ZC3H12B: variants seen among roughly 807,000 people sequenced by gnomAD.
The protein encoded by ZC3H12B is zinc finger CCCH-type containing 12B, also known as probable ribonuclease ZC3H12B.
Under a neutral mutation model 43.9 loss-of-function variants are expected in ZC3H12B, and 7 were observed. That is an observed-to-expected ratio of 0.16 (90% confidence interval 0.09 to 0.30). The LOEUF (loss-of-function observed/expected upper bound fraction) is 0.30, where lower values mean the gene tolerates loss of function less well. ZC3H12B is among the 10% of genes least tolerant of loss of function. The probability of loss-of-function intolerance (pLI) is 1.00; values close to 1 mark genes in which losing one functional copy is unlikely to be tolerated. For synonymous variants in ZC3H12B, 222 were observed against 241.7 expected (o/e 0.92, Z 0.76); for missense variants, 475 against 670.2 (o/e 0.71, Z 3.22).
At chrX:65,054,341 C>G in the ZC3H12B span, among the ~76,000 whole-genome samples, 1 of 111,477 alleles carries the variant, frequency 9.0e-6, no homozygotes, top group African/African-American at 3.3e-5. Flanking sequence ...AGCCAGTTTT[C>G]CCAGCACCAT....
At chrX:65,305,650 A>G in the ZC3H12B span, among the ~76,000 whole-genome samples, 1 of 112,014 alleles carries the variant, frequency 8.9e-6, no homozygotes, top group Non-Finnish European at 1.9e-5. Context: ...TTGTATCTAT[A>G]AGAAATTTGT....
At chrX:65,109,557 C>T in the ZC3H12B span, among the ~76,000 whole-genome samples, 1 of 111,647 alleles carries the variant, frequency 9.0e-6, no homozygotes, top group Non-Finnish European at 1.9e-5. Flanking sequence ...AACAATATTC[C>T]ATTTATAGAT....
the ZC3H12B span, among the ~76,000 whole-genome samples, chrX:65,100,566 CAAAAAAAAAAA>C: frequency 0.02 from 92 of 4,522 alleles, 1 homozygote; most frequent in Middle Eastern, 0.25. Context: ...AAAGATAAAG[CAAAAAAAAAAA>C]AAAAAAAAAA....
At chrX:65,466,610 G>A (rs1281268944) in intron 3 of ZC3H12B, among the ~76,000 whole-genome samples, 9 of 107,923 alleles carry the variant, frequency 8.3e-5, no homozygotes, top group Non-Finnish European at 1.7e-4. Context: ...TGGATTGTAA[G>A]GTAATTCTAT....
intron 3 of ZC3H12B, among the ~76,000 whole-genome samples, chrX:65,450,853 A>ATATGTGTATATATGTATATATATACG (rs2067492397): frequency 1.1e-5 from 1 of 87,166 alleles, no homozygotes; most frequent in Non-Finnish European, 2.1e-5. Flanking sequence ...ATATATATAC[A>ATATGTGTATATATGTATATATATACG]TATGTGTATA....
the ZC3H12B span, among the ~76,000 whole-genome samples, chrX:65,291,956 A>T: frequency 8.9e-6 from 1 of 112,063 alleles, no homozygotes; most frequent in Non-Finnish European, 1.9e-5. Context: ...GAAGGGATTA[A>T]TTCTCTAAAG....
At chrX:65,138,707 G>A in the ZC3H12B span, among the ~76,000 whole-genome samples, 1 of 111,699 alleles carries the variant, frequency 9.0e-6, no homozygotes, top group East Asian at 2.8e-4. Context: ...CTCCCCAACA[G>A]TGCACAAAGA....
chrX:65,451,254 TTTTTTGTTTTTG>T (rs1198595221), intron 3 of ZC3H12B, among the ~76,000 whole-genome samples: 1 of 110,770 alleles, frequency 9.0e-6, no homozygotes, highest in Non-Finnish European at 1.9e-5. Flanking sequence ...CCAGCCTCAT[TTTTTTGTTTTTG>T]TTTTTGTTTT....
At chrX:65,068,506 CTA>C in the ZC3H12B span, among the ~76,000 whole-genome samples, 1 of 111,868 alleles carries the variant, frequency 8.9e-6, no homozygotes, top group South Asian at 3.7e-4. Flanking sequence ...AACAAAAACT[CTA>C]TGCCTTAACT....
At chrX:65,216,131 A>G in the ZC3H12B span, among the ~76,000 whole-genome samples, 1 of 111,708 alleles carries the variant, frequency 9.0e-6, no homozygotes. Context: ...AAACAACTAT[A>G]TATGCAAAAG....
chrX:65,347,778 C>T, the ZC3H12B span, among the ~76,000 whole-genome samples: 1 of 112,365 alleles, frequency 8.9e-6, no homozygotes, highest in African/African-American at 3.2e-5. Flanking sequence ...TATAAAGACA[C>T]ATGCACACGT....
chrX:65,079,564 A>C, the ZC3H12B span, among the ~76,000 whole-genome samples: 2 of 112,563 alleles, frequency 1.8e-5, no homozygotes, highest in Admixed American at 9.4e-5. Context: ...GAAAGGGAAA[A>C]GAACAAGTAT....
At chrX:65,302,306 C>T in the ZC3H12B span, among the ~76,000 whole-genome samples, 1 of 110,562 alleles carries the variant, frequency 9.0e-6, no homozygotes, top group Non-Finnish European at 1.9e-5. Context: ...AACTAAAAAG[C>T]AATTATAGCA....
At chrX:65,347,089 T>C in the ZC3H12B span, among the ~76,000 whole-genome samples, 6 of 112,177 alleles carry the variant, frequency 5.3e-5, no homozygotes, top group African/African-American at 1.9e-4. Flanking sequence ...CTCTGGGACG[T>C]AGCTTCCAGA....
the ZC3H12B span, among the ~76,000 whole-genome samples, chrX:65,331,583 T>C: frequency 9.1e-6 from 1 of 109,698 alleles, no homozygotes; most frequent in Non-Finnish European, 1.9e-5. Context: ...TTTATTTATT[T>C]ATTTATTTTT....
chrX:65,375,331 T>C (rs1420139905), intron 2 of ZC3H12B, among the ~76,000 whole-genome samples: 2 of 111,700 alleles, frequency 1.8e-5, no homozygotes, highest in Non-Finnish European at 3.8e-5. Flanking sequence ...TAAAGTGTTT[T>C]GGGGTTCTAA....
chrX:65,407,055 C>T (rs1165911504), intron 3 of ZC3H12B, among the ~76,000 whole-genome samples: 3 of 111,531 alleles, frequency 2.7e-5, no homozygotes, highest in Non-Finnish European at 3.8e-5. Context: ...CGGAGAAGCA[C>T]ACGAAGGTGA....
At chrX:65,125,136 T>G in the ZC3H12B span, among the ~76,000 whole-genome samples, 2 of 111,497 alleles carry the variant, frequency 1.8e-5, no homozygotes, top group Admixed American at 1.9e-4. Context: ...TGAACTTTCC[T>G]CATAGCACCA....
At chrX:65,234,279 G>T in the ZC3H12B span, among the ~76,000 whole-genome samples, 3 of 112,057 alleles carry the variant, frequency 2.7e-5, no homozygotes, top group African/African-American at 9.7e-5. Flanking sequence ...TCCAATATAT[G>T]CCAAATAAAT....
Sources: allele counts gnomAD v4.1 joint callset (sites outside exome capture counted in the v4.1 genomes callset), GRCh38; gene constraint gnomAD v4.1.1; transcripts MANE v1.5; gene names NCBI Gene and HGNC (gene_info 2026-07-23, HGNC 2026-07-21).